Variants in R3HDM1 observed in about 807,000 individuals in gnomAD.
The protein encoded by R3HDM1 is R3H domain containing 1, also known as R3H domain-containing protein 1.
R3HDM1 carries 46 observed loss-of-function variants against 141.1 expected under a neutral mutation model. The ratio of observed to expected loss-of-function variants is 0.33; its 90% CI spans 0.26 to 0.42. R3HDM1 has a LOEUF of 0.42. R3HDM1 is among the 10% of genes least tolerant of loss of function. The pLI is 1.00. For synonymous variants in R3HDM1, 435 were observed against 472.9 expected (o/e 0.92, Z 1.04); for missense variants, 1,184 against 1,368.3 (o/e 0.87, Z 2.12).
At chr2:135,702,212 A>AG (rs774061748) in intron 21 of R3HDM1, among the ~76,000 whole-genome samples, 7,613 of 62,718 alleles carry the variant, frequency 0.12, 294 homozygotes, top group South Asian at 0.37. Flanking sequence ...ACGTTGTCTC[A>AG]GGGGGAAAAA....
chr2:135,559,059 G>GTA (rs2104952535), intron 1 of R3HDM1: 1 of 870,542 alleles, frequency 1.1e-6, no homozygotes, highest in East Asian at 1.2e-4. Flanking sequence ...AAGTGTGTGT[G>GTA]TGTGTGTGTG....
intron 1 of R3HDM1, among the ~76,000 whole-genome samples, chr2:135,537,797 C>T (rs1696566097): frequency 6.6e-6 from 1 of 152,026 alleles, no homozygotes; most frequent in African/African-American, 2.4e-5. Flanking sequence ...GCTAGGATTA[C>T]AGGCATGAGC....
rs561603854 is a variant in R3HDM1 at position 135,645,478 on chromosome 2, C to A, written c.1574C>A (p.Pro525His). The A allele has an allele frequency of 6.2e-7, 1 of 1,614,126 alleles. No homozygotes were observed. The highest frequency in any genetic ancestry group is 1.7e-5 in the Admixed American group (1 of 60,028). The change falls in exon 16 of 27, where the codon CCT (proline) becomes CAT (histidine). Residue 525 changes from proline (P) to histidine (H), a missense_variant. Coordinates refer to ENST00000683871, the MANE Select transcript of R3HDM1 (RefSeq NM_001378107.1). ...RSQVPGPPQP[P>H]LPAPPQQPAA... ...CAAGTGCCTGGACCTCCACAGCCAC[C>A]TCTGCCAGCCCCACCTCAACAACCA...
At position 135,647,462 on chromosome 2, in the gene R3HDM1, C is replaced by G. The variant is rs1164567600; in HGVS notation, c.1623+1935C>G. Among the ~76,000 whole-genome samples, 4 of 152,190 alleles carry G rather than the reference C, an allele frequency of 2.6e-5. No individual in the cohort carries two copies. The East Asian group carries it at 7.7e-4, about 29-fold the overall frequency. On this transcript the variant is annotated intron_variant, in intron 16 of 26. Coordinates refer to ENST00000683871, the MANE Select transcript of R3HDM1 (RefSeq NM_001378107.1). The stretch of plus-strand genomic sequence containing the variant: ...GTGATTATATATTTCAGATTATTAT[C>G]TCTTAGAACTTTGTCTGATTTAGTG...
chr2:135,561,216 T>A, intron 1 of R3HDM1: 1 of 702,054 alleles, frequency 1.4e-6, no homozygotes, highest in Non-Finnish European at 1.8e-6. Flanking sequence ...TGAGATGACC[T>A]GTTCCATTGA....
chr2:135,592,510 AGAAT>A (rs1429445555), intron 1 of R3HDM1, among the ~76,000 whole-genome samples: 1 of 152,206 alleles, frequency 6.6e-6, no homozygotes, highest in Non-Finnish European at 1.5e-5. Context: ...CACTTTTGAA[AGAAT>A]GAATGATTTT....
rs576590527 is a variant in R3HDM1 at position 135,716,813 on chromosome 2, G to A, written c.2881+1119G>A. Among the ~76,000 whole-genome samples, 5 of 152,166 alleles carry A rather than the reference G, an allele frequency of 3.3e-5. No homozygotes were observed. In the South Asian group the frequency reaches 8.3e-4, roughly 25 times the overall value. On this transcript the variant is annotated intron_variant, in intron 24 of 26. Transcript: ENST00000683871. Reference sequence around the variant, plus strand: ...CTAAAACTACAAAAACAAGCTGGGCGTGGTGGCAGGCACCTATAATCCCAG... The same window carrying A: ...CTAAAACTACAAAAACAAGCTGGGCATGGTGGCAGGCACCTATAATCCCAG...
At chr2:135,666,973 C>G (rs2067614896) in intron 19 of R3HDM1, 1 of 387,662 alleles carries the variant, frequency 2.6e-6, no homozygotes, top group Non-Finnish European at 3.5e-6. Flanking sequence ...TGTACAAGCA[C>G]AGTCTGGAAA....
intron 1 of R3HDM1, among the ~76,000 whole-genome samples, chr2:135,564,016 A>G (rs1419824992): frequency 6.6e-6 from 1 of 152,098 alleles, no homozygotes; most frequent in East Asian, 1.9e-4. Context: ...ATCCTCTATG[A>G]TCTCAGAGCA....
At chr2:135,641,420 A>G in intron 14 of R3HDM1, 116 bp from the exon 15 acceptor site, 1 of 1,203,304 alleles carries the variant, frequency 8.3e-7, no homozygotes, top group Non-Finnish European at 1.2e-6. Flanking sequence ...AAAAAGAGCC[A>G]ATGCTTTTAT....
At chr2:135,685,569 C>T (rs893895948) in intron 21 of R3HDM1, among the ~76,000 whole-genome samples, 5 of 152,138 alleles carry the variant, frequency 3.3e-5, no homozygotes, top group African/African-American at 7.2e-5. Context: ...GTACTTGTAA[C>T]TGATGACTAA....
chr2:135,693,348 G>A (rs2072733418), intron 21 of R3HDM1, among the ~76,000 whole-genome samples: 1 of 152,090 alleles, frequency 6.6e-6, no homozygotes, highest in South Asian at 2.1e-4. Flanking sequence ...TGTACTAGAT[G>A]GTTGATAGCC....
rs56950620 is a variant in R3HDM1 at position 135,547,767 on chromosome 2, CTTTTTTT to C, written c.-250+16149_-250+16155del. Among the ~76,000 whole-genome samples, 347 of 107,364 alleles carry C rather than the reference CTTTTTTT, an allele frequency of 3.2e-3. 2 individuals are homozygous for C. Among genetic ancestry groups the C allele is most frequent in the African/African-American group, 0.012 (312 of 25,204 alleles). The allele number at this position is 107,364 out of a possible 152,430, so 70.4% of individuals were successfully genotyped here. A position where few individuals can be genotyped will look rare whatever the true frequency, so the allele number is the denominator to read the frequency against. On this transcript the variant is annotated intron_variant, in intron 1 of 26. Transcript: ENST00000683871. ...ATATGTCTGTAGTCTTTTTTCTTTT[CTTTTTTT>C]TTTTTTTTTTTTTTCTTGAGACAGA... is the stretch of plus-strand genomic sequence containing the variant.
intron 7 of R3HDM1, 115 bp downstream of exon 7, chr2:135,622,847 C>T (rs1011166299): frequency 1.5e-6 from 2 of 1,333,814 alleles, no homozygotes; most frequent in Non-Finnish European, 1.9e-6. Flanking sequence ...TTGAAGTACA[C>T]CAGAAACATT....
intron 17 of R3HDM1, 128 bp from the exon 18 acceptor site, chr2:135,651,602 G>A: frequency 1.5e-6 from 2 of 1,315,436 alleles, no homozygotes; most frequent in Admixed American, 6.0e-5. Flanking sequence ...CATAATTGCT[G>A]TTGTTGATAT....
chr2:135,632,699 A>G (rs1043973583), intron 9 of R3HDM1, among the ~76,000 whole-genome samples: 1 of 152,212 alleles, frequency 6.6e-6, no homozygotes, highest in Non-Finnish European at 1.5e-5. Flanking sequence ...TCCTAAAACA[A>G]CTAGCTGAGT....
chr2:135,694,233 A>C (rs1264655269), intron 21 of R3HDM1, among the ~76,000 whole-genome samples: 2 of 152,182 alleles, frequency 1.3e-5, no homozygotes, highest in Non-Finnish European at 2.9e-5. Context: ...TCTTGAGGCC[A>C]CAAGCAACCT....
intron 21 of R3HDM1, among the ~76,000 whole-genome samples, chr2:135,686,146 G>A (rs537349774): frequency 2.6e-5 from 4 of 152,056 alleles, no homozygotes; most frequent in Non-Finnish European, 5.9e-5. Flanking sequence ...TAAAATGGCT[G>A]TTATCAAAAA....
intron 1 of R3HDM1, among the ~76,000 whole-genome samples, chr2:135,554,638 G>A (rs1665872815): frequency 6.6e-6 from 1 of 152,148 alleles, no homozygotes; most frequent in South Asian, 2.1e-4. Context: ...CTGTGGATTA[G>A]GGGTGGGCCC....
Sources: gnomAD v4.1 joint callset for allele counts (sites outside exome capture counted in the v4.1 genomes callset) on GRCh38, gnomAD v4.1.1 for gene constraint, MANE v1.5 for transcripts, NCBI Gene and HGNC (gene_info 2026-07-23, HGNC 2026-07-21) for gene names.